Variants in TRPM1 observed in about 807,000 individuals in gnomAD.
The protein encoded by TRPM1 is transient receptor potential cation channel subfamily M member 1.
Under a neutral mutation model 149.4 loss-of-function variants are expected in TRPM1, and 113 were observed. That is an observed-to-expected ratio of 0.76 (90% confidence interval 0.65 to 0.88). TRPM1 has a LOEUF of 0.88. Ranked by LOEUF, TRPM1 falls within the 40% of genes least tolerant of loss-of-function variation. The probability of loss-of-function intolerance (pLI) is 0.00; values close to 1 mark genes in which losing one functional copy is unlikely to be tolerated. For synonymous variants in TRPM1, 741 were observed against 759.5 expected, an observed-to-expected ratio of 0.98 and a Z score of 0.40; for missense variants, 1,976 against 2,038.7, an observed-to-expected ratio of 0.97 and a Z score of 0.59.
At chr15:31,072,148 T>A (rs1328856643) in intron 3 of TRPM1, among the ~76,000 whole-genome samples, 1 of 151,678 alleles carries the variant, frequency 6.6e-6, no homozygotes, top group African/African-American at 2.4e-5. Context: ...GCATGGCATA[T>A]TTTAAGTTAT....
chr15:31,104,857 G>C (rs544253280), upstream of TRPM1, among the ~76,000 whole-genome samples: 1 of 152,222 alleles, frequency 6.6e-6, no homozygotes, highest in East Asian at 1.9e-4. Flanking sequence ...GCCTCCCAAA[G>C]TGCTGGGATT....
At chr15:31,068,397 G>A (rs28587177) in intron 4 of TRPM1, among the ~76,000 whole-genome samples, 12,088 of 152,180 alleles carry the variant, frequency 0.079, 558 homozygotes, top group Non-Finnish European at 0.11. Context: ...GTTAGAAGGT[G>A]ATTACGTCAT....
At position 31,113,432 on chromosome 15, in the gene TRPM1, GTTTT is replaced by G. The variant is rs3080947; in HGVS notation, c.55-36452_55-36449del. On this transcript the variant is annotated intron_variant, in intron 1 of 26. Transcript: ENST00000542188. ...CAGAATTCAATACCCAGCTCTGACA[GTTTT>G]TTTTTTTTCAAAATCTCTAAGGTAT... 1.6e-3 allele frequency among the ~76,000 whole-genome samples: 235 copies of G among 149,574 alleles called. 2 individuals carry two copies. Among genetic ancestry groups the G allele is most frequent in the Admixed American group, 3.4e-3 (51 of 15,036 alleles).
intron 1 of TRPM1, among the ~76,000 whole-genome samples, chr15:31,113,309 C>G (rs922654788): frequency 2.6e-5 from 4 of 152,204 alleles, no homozygotes; most frequent in African/African-American, 7.2e-5. Flanking sequence ...AGGAAGAGTG[C>G]TGCCTCTGAG....
At chr15:31,134,666 A>G (rs966050656) in intron 1 of TRPM1, among the ~76,000 whole-genome samples, 1 of 152,222 alleles carries the variant, frequency 6.6e-6, no homozygotes, top group Non-Finnish European at 1.5e-5. Context: ...AAAAGTTGGT[A>G]TTTAAACCTG....
chr15:31,057,103 T>C (rs1322049754), intron 11 of TRPM1, among the ~76,000 whole-genome samples: 1 of 152,154 alleles, frequency 6.6e-6, no homozygotes, highest in Non-Finnish European at 1.5e-5. Context: ...ACAGTAGGCA[T>C]TGAGAGCATC....
intron 4 of TRPM1, 60 bp from the exon 5 acceptor site, chr15:31,068,152 G>A: frequency 2.1e-6 from 3 of 1,453,418 alleles, no homozygotes; most frequent in South Asian, 2.3e-5. Flanking sequence ...GTGTCAAAGG[G>A]GAGTGAGGCT....
chr15:31,071,046 C>T (rs994535596), intron 3 of TRPM1, among the ~76,000 whole-genome samples: 3 of 152,228 alleles, frequency 2.0e-5, no homozygotes, highest in African/African-American at 2.4e-5. Flanking sequence ...CAACCTCTCA[C>T]GCCCTCCCTG....
At chr15:31,050,635 C>T (rs2033922729) in intron 11 of TRPM1, 53 bp from the exon 12 acceptor site, 1 of 1,603,884 alleles carries the variant, frequency 6.2e-7, no homozygotes, top group Middle Eastern at 1.7e-4. Flanking sequence ...TCTTTCTTGT[C>T]CCCAGACCAG....
chr15:31,049,655 A>G (rs1156858984), intron 12 of TRPM1, 146 bp from the exon 13 acceptor site: 6 of 883,330 alleles, frequency 6.8e-6, no homozygotes, highest in South Asian at 1.4e-5. Flanking sequence ...TATCTTGGGT[A>G]AACACTCCCC....
At chr15:31,098,443 T>G (rs2035441243) in intron 1 of TRPM1, among the ~76,000 whole-genome samples, 1 of 151,972 alleles carries the variant, frequency 6.6e-6, no homozygotes, top group Admixed American at 6.6e-5. Flanking sequence ...CACACAAAAA[T>G]AATAATAATA....
chr15:31,089,197 T>A (rs2035141190), intron 1 of TRPM1, among the ~76,000 whole-genome samples: 1 of 152,178 alleles, frequency 6.6e-6, no homozygotes, highest in Non-Finnish European at 1.5e-5. Flanking sequence ...GAGTGGTCAT[T>A]TCTAGGTAGT....
At chr15:31,118,429 A>G (rs918802810) in intron 1 of TRPM1, among the ~76,000 whole-genome samples, 12 of 152,272 alleles carry the variant, frequency 7.9e-5, no homozygotes, top group Middle Eastern at 3.4e-3. Flanking sequence ...ATGTTGAAAA[A>G]CATTAAGCAT....
At chr15:31,071,593 C>T (rs1040073621) in intron 3 of TRPM1, among the ~76,000 whole-genome samples, 1 of 151,790 alleles carries the variant, frequency 6.6e-6, no homozygotes, top group Non-Finnish European at 1.5e-5. Flanking sequence ...CCCTCCCTCA[C>T]TCCCTCCCTC....
At chr15:31,131,124 A>G (rs1243597891) in intron 1 of TRPM1, among the ~76,000 whole-genome samples, 10 of 152,230 alleles carry the variant, frequency 6.6e-5, no homozygotes, top group Non-Finnish European at 1.5e-4. Flanking sequence ...TTTAAATTGC[A>G]TGCTACTCTG....
intron 13 of TRPM1, among the ~76,000 whole-genome samples, 180 bp downstream of exon 13, chr15:31,049,195 G>T (rs1009240122): frequency 6.6e-6 from 1 of 152,190 alleles, no homozygotes; most frequent in African/African-American, 2.4e-5. Context: ...ATGGCAGGAG[G>T]TGGTGAGAAT....
upstream of TRPM1, among the ~76,000 whole-genome samples, chr15:31,104,089 C>T (rs368962875): frequency 2.6e-5 from 4 of 152,212 alleles, no homozygotes; most frequent in Admixed American, 6.5e-5. Flanking sequence ...TCTGTGGAGC[C>T]GTCTGAGGAC....
At chr15:31,134,545 G>A (rs1442743847) in intron 1 of TRPM1, among the ~76,000 whole-genome samples, 2 of 152,178 alleles carry the variant, frequency 1.3e-5, no homozygotes, top group African/African-American at 2.4e-5. Context: ...AAGGCAGAAG[G>A]CACCAACTTC....
chr15:31,110,146 C>T (rs2035664977), intron 1 of TRPM1, among the ~76,000 whole-genome samples: 1 of 152,092 alleles, frequency 6.6e-6, no homozygotes, highest in East Asian at 1.9e-4. Flanking sequence ...AATAAGTTAG[C>T]ACTACTACTA....
Sources: gnomAD v4.1 joint callset for allele counts (sites outside exome capture counted in the v4.1 genomes callset) on GRCh38, gnomAD v4.1.1 for gene constraint, MANE v1.5 for transcripts, NCBI Gene and HGNC (gene_info 2026-07-23, HGNC 2026-07-21) for gene names.